Variants in HNF1A observed in about 807,000 individuals in gnomAD.
HNF1A encodes the protein HNF1 homeobox A.
Under a neutral mutation model 62.2 loss-of-function variants are expected in HNF1A, and 21 were observed. That is an observed-to-expected ratio of 0.34 (90% CI 0.24 to 0.49). The LOEUF is 0.49. HNF1A is among the 20% of genes least tolerant of loss of function. HNF1A has a pLI of 0.99. For synonymous variants in HNF1A, 374 were observed against 366.8 expected (o/e 1.02, Z -0.22); for missense variants, 687 against 832.3 (o/e 0.83, Z 2.15).
rs1593060859 is a variant in HNF1A, at chr12:120,996,563, TC to T, written c.1136del (p.Pro379LeufsTer5). On this transcript the variant is annotated frameshift_variant, in exon 6 of 10. Coordinates refer to ENST00000257555, the MANE Select transcript of HNF1A (RefSeq NM_000545.8). LOFTEE classifies it high-confidence loss of function. This position sits in a 1 kb window ranked among gnomAD's most constrained non-coding sequence, Gnocchi z 4.5. ...AKLVSAAGGP[L>X]PPVSTLTALH... ...TAGGTCTCAGCAGCTGGGGGCCCCC[TC>T]CCCCCTGTCAGCACCCTGACAGCAC... is the stretch of plus-strand genomic sequence containing the variant. 6.2e-7 allele frequency: 1 copy of T among 1,612,912 alleles called. No homozygotes were observed. Among genetic ancestry groups the T allele is most frequent in the Admixed American group, 1.7e-5 (1 of 59,926 alleles).
chr12:120,983,306 C>T (rs2135825193), intron 1 of HNF1A, among the ~76,000 whole-genome samples: 2 of 152,296 alleles, frequency 1.3e-5, no homozygotes, highest in Middle Eastern at 6.8e-3. Context: ...ACTTACTGTG[C>T]ACCAGGCATT....
chr12:120,994,245 C>T lies in HNF1A; in HGVS notation c.795C>T (p.Tyr265=), dbSNP rs1176512730. Residue 265 remains tyrosine (Y), a synonymous_variant, in exon 4 of 10, where the codon TAC becomes TAT. Coordinates refer to ENST00000257555, the MANE Select transcript of HNF1A (RefSeq NM_000545.8). ...GSNLVTEVRV[Y]NWFANRRKEE... ...ACCTCGTCACGGAGGTGCGTGTCTACAACTGGTTTGCCAACCGGCGCAAAG... is the reference window on the plus strand; with the variant it reads ...ACCTCGTCACGGAGGTGCGTGTCTATAACTGGTTTGCCAACCGGCGCAAAG... 4 of 1,613,664 alleles carry T rather than the reference C, an allele frequency of 2.5e-6. 1 individual carries two copies. In the South Asian group the frequency reaches 4.4e-5, roughly 18 times the overall value.
chr12:120,981,973 C>T (rs568781915), intron 1 of HNF1A, among the ~76,000 whole-genome samples: 35 of 152,300 alleles, frequency 2.3e-4, no homozygotes, highest in African/African-American at 8.4e-4. Flanking sequence ...TGAGACGTGG[C>T]CAAGGGAGAA....
intron 7 of HNF1A, 76 bp downstream of exon 7, chr12:120,997,741 C>A: frequency 6.9e-7 from 1 of 1,449,038 alleles, no homozygotes; most frequent in South Asian, 1.2e-5. Context: ...GAAAGGGGTG[C>A]CTGGCAGGCA....
intron 8 of HNF1A, 39 bp downstream of exon 8, chr12:120,999,428 C>CA (rs1312516642): frequency 6.2e-7 from 1 of 1,613,726 alleles, no homozygotes; most frequent in Admixed American, 1.7e-5. Flanking sequence ...TGGCCTGTGA[C>CA]AGAGCCCCTC....
intron 2 of HNF1A, among the ~76,000 whole-genome samples, chr12:120,992,575 A>C (rs1876888188): frequency 6.6e-6 from 1 of 152,160 alleles, no homozygotes; most frequent in Admixed American, 6.5e-5. Context: ...CCAAATCCAA[A>C]GCATACAGTT....
intron 2 of HNF1A, 85 bp from the exon 3 acceptor site, chr12:120,993,435 G>A (rs1876925781): frequency 7.2e-7 from 1 of 1,382,338 alleles, no homozygotes; most frequent in South Asian, 1.2e-5. Context: ...ATGGCAATGA[G>A]AAAGAATCAA....
chr12:120,996,442 C>A lies in HNF1A; in HGVS notation c.1107+29C>A. The A allele has an allele frequency of 6.2e-7, 1 of 1,614,118 alleles. No individual in the cohort carries two copies. The highest frequency in any genetic ancestry group is 1.1e-5 in the South Asian group (1 of 91,090). ...AGTGTCCTTGCTTGTAAGGAAAACC[C>A]AACCTCATCTTTCCTTGGCAGGGAG... On this transcript the variant is annotated intron_variant, in intron 5 of 9. Transcript: ENST00000257555. The surrounding 1 kb of genome is among the most constrained non-coding windows in gnomAD (Gnocchi z 4.5).
chr12:120,998,447 G>C (rs1488118770), intron 7 of HNF1A: 1 of 155,466 alleles, frequency 6.4e-6, no homozygotes, highest in Non-Finnish European at 1.4e-5. Flanking sequence ...CTCATACCAG[G>C]TTCAGGCTGG....
intron 1 of HNF1A, among the ~76,000 whole-genome samples, chr12:120,980,372 G>A (rs899054041): frequency 1.3e-5 from 2 of 152,078 alleles, no homozygotes; most frequent in African/African-American, 2.4e-5. Flanking sequence ...CAGCTGGGGT[G>A]GGGGAGGGCT....
In HNF1A at chr12:121,001,085, C is replaced by T. The variant is rs1432452729; in HGVS notation, c.1789C>T (p.Leu597=). 6.2e-7 allele frequency: 1 copy of T among 1,613,718 alleles called. No individual in the cohort carries two copies. Among genetic ancestry groups the T allele is most frequent in the East Asian group, 2.2e-5 (1 of 44,882 alleles). ...TGCAGTGTCCTCCAGCAGCCTGGTG[C>T]TGTACCAGAGCTCAGACTCCAGCAA... ...SPTVSSSSLV[L]YQSSDSSNGQ... Residue 597 remains leucine (L), a synonymous_variant, in exon 10 of 10, where the codon CTG becomes TTG. Coordinates refer to ENST00000257555, the MANE Select transcript of HNF1A (RefSeq NM_000545.8).
chr12:120,989,956 GT>G (rs1368315954), intron 2 of HNF1A, among the ~76,000 whole-genome samples: 1 of 152,004 alleles, frequency 6.6e-6, no homozygotes, highest in East Asian at 1.9e-4. Flanking sequence ...AAGGTCTACG[GT>G]CAGGAAATCC....
In HNF1A at chr12:121,001,230, T is replaced by TG. The variant is rs776705626; in HGVS notation, c.*44dup. 1.6e-5 allele frequency: 26 copies of TG among 1,610,712 alleles called. No homozygotes were observed. Among genetic ancestry groups the TG allele is most frequent in the Non-Finnish European group, 1.9e-5 (22 of 1,178,860 alleles). On this transcript the variant is annotated 3_prime_UTR_variant, in exon 10 of 10. Transcript: ENST00000257555. The stretch of plus-strand genomic sequence containing the variant: ...GGCCCTGGGGCCTGTACTGCCTGCT[T>TG]GGGGGGTGATGAGGGCAGCAGCCAG...
rs1020423529 is a variant in HNF1A, at chr12:121,002,389, C to A, written c.*1197C>A. 1.9e-6 allele frequency: 1 copy of A among 524,300 alleles called. No individual in the cohort carries two copies. Among genetic ancestry groups the A allele is most frequent in the Non-Finnish European group, 3.7e-6 (1 of 271,682 alleles). 32.5% of individuals were successfully genotyped at this position (524,300 alleles called of 1,614,324 possible). A position where few individuals can be genotyped will look rare whatever the true frequency, so the allele number is the denominator to read the frequency against. On this transcript the variant is annotated 3_prime_UTR_variant, in exon 10 of 10. Coordinates refer to ENST00000257555, the MANE Select transcript of HNF1A (RefSeq NM_000545.8). ...TGAGAACCTGGCCTTCAGTGTACCG[C>A]GTCTACCCTGGGATTCAGGAAAAGG...
chr12:120,989,693 G>A (rs544995238), intron 2 of HNF1A, among the ~76,000 whole-genome samples: 3 of 152,200 alleles, frequency 2.0e-5, no homozygotes, highest in Non-Finnish European at 4.4e-5. Context: ...TATTTATCAT[G>A]CATTTTTGGG....
intron 1 of HNF1A, among the ~76,000 whole-genome samples, chr12:120,983,874 T>C (rs556014143): frequency 9.3e-5 from 14 of 150,300 alleles, no homozygotes; most frequent in African/African-American, 3.4e-4. Context: ...GCTAGGACAG[T>C]TGGAGAATCT....
rs980850048 is a variant in HNF1A at position 120,978,588 on chromosome 12, G to A, written c.-181G>A. The stretch of plus-strand genomic sequence containing the variant: ...AGGCAGGGGCCCTGATTCACGGGCC[G>A]CTGGGGCCAGGGTTGGGGGTTGGGG... On this transcript the variant is annotated 5_prime_UTR_variant, in exon 1 of 10. Transcript: ENST00000257555. The A allele has an allele frequency of 4.9e-5, 32 of 658,250 alleles. No individual in the cohort carries two copies. Among genetic ancestry groups the A allele is most frequent in the East Asian group, 3.8e-4 (14 of 36,810 alleles). 40.8% of individuals were successfully genotyped at this position (658,250 alleles called of 1,614,324 possible). A position where few individuals can be genotyped will look rare whatever the true frequency, so the allele number is the denominator to read the frequency against.
At chr12:120,997,213 G>A (rs892578885) in intron 6 of HNF1A, 39 of 1,419,168 alleles carry the variant, frequency 2.7e-5, no homozygotes, top group Admixed American at 5.9e-5. Context: ...CCAGGGAACC[G>A]CAGTTTGACA....
chr12:120,990,232 T>C (rs968435216), intron 2 of HNF1A, among the ~76,000 whole-genome samples: 24 of 151,888 alleles, frequency 1.6e-4, no homozygotes, highest in East Asian at 3.9e-4. Context: ...AGCTCCGCCT[T>C]CCGGGTTCAT....
Sources: gnomAD v4.1 joint callset for allele counts (sites outside exome capture counted in the v4.1 genomes callset) on GRCh38, gnomAD v4.1.1 for gene constraint, Gnocchi (gnomAD v3.1) non-coding constraint, MANE v1.5 for transcripts, NCBI Gene and HGNC (gene_info 2026-07-23, HGNC 2026-07-21) for gene names.